The following SETBP1 variants were observed in gnomAD, a reference collection of about 807,000 sequenced individuals.
SETBP1 encodes the protein SET-binding protein.
SETBP1 carries 9 observed loss-of-function variants against 101.0 expected under a neutral mutation model. The ratio of observed to expected loss-of-function variants is 0.09; its 90% CI spans 0.05 to 0.16. The LOEUF (loss-of-function observed/expected upper bound fraction) is 0.16. Among genes scored for constraint, SETBP1 ranks in the 10% least tolerant of loss-of-function variants. The probability of loss-of-function intolerance (pLI) is 1.00; values close to 1 mark genes in which losing one functional copy is unlikely to be tolerated. For missense variants in SETBP1, 1,858 were observed against 2,033.8 expected, an observed-to-expected ratio of 0.91 and a Z score of 1.66; for synonymous variants, 818 against 788.5, an observed-to-expected ratio of 1.04 and a Z score of -0.63.
intron 2 of SETBP1, among the ~76,000 whole-genome samples, chr18:44,861,485 G>T (rs1488093497): frequency 1.3e-5 from 2 of 151,800 alleles, no homozygotes; most frequent in African/African-American, 2.4e-5. Flanking sequence ...GCCCGCCTCG[G>T]CCTCCCAAAG....
intron 2 of SETBP1, among the ~76,000 whole-genome samples, chr18:44,779,973 C>T (rs1246243520): frequency 1.3e-5 from 2 of 152,086 alleles, no homozygotes; most frequent in South Asian, 2.1e-4. Context: ...CACACACACA[C>T]GCATGTGCAC....
intron 4 of SETBP1, among the ~76,000 whole-genome samples, chr18:45,009,497 C>T (rs1282105724): frequency 6.6e-6 from 1 of 151,398 alleles, no homozygotes; most frequent in Non-Finnish European, 1.5e-5. Context: ...GTTTTTTGTT[C>T]GAGGGATTTT....
chr18:44,965,085 A>G (rs1314796890), intron 4 of SETBP1, among the ~76,000 whole-genome samples: 14 of 152,204 alleles, frequency 9.2e-5, no homozygotes, highest in South Asian at 4.1e-4. Context: ...ACAATTGCCA[A>G]ATATCTTTCT....
chr18:44,978,444 A>G (rs552921424), intron 4 of SETBP1, among the ~76,000 whole-genome samples: 1 of 152,278 alleles, frequency 6.6e-6, no homozygotes, highest in South Asian at 2.1e-4. Context: ...CTGAAGCCCA[A>G]ATGAGTGAGC....
chr18:44,968,356 G>A (rs2071766895), intron 4 of SETBP1, among the ~76,000 whole-genome samples: 1 of 152,146 alleles, frequency 6.6e-6, no homozygotes. Flanking sequence ...TGTACAAGAA[G>A]AAGAAAAAGC....
At chr18:44,960,034 G>A (rs984052806) in intron 4 of SETBP1, among the ~76,000 whole-genome samples, 1 of 152,110 alleles carries the variant, frequency 6.6e-6, no homozygotes, top group African/African-American at 2.4e-5. Flanking sequence ...AGCCTCCCAA[G>A]TAACTAGGAC....
At chr18:44,902,081 A>T (rs867160503) in intron 3 of SETBP1, among the ~76,000 whole-genome samples, 22 of 152,182 alleles carry the variant, frequency 1.4e-4, no homozygotes, top group South Asian at 6.2e-4. Context: ...GTACAATTTA[A>T]AATTCAGTTC....
intron 4 of SETBP1, among the ~76,000 whole-genome samples, chr18:45,001,822 A>T (rs2072623687): frequency 6.6e-6 from 1 of 152,148 alleles, no homozygotes; most frequent in Non-Finnish European, 1.5e-5. Flanking sequence ...TTTCCACTGC[A>T]CTACCTTCAT....
At chr18:44,753,872 C>T (rs2070439113) in intron 2 of SETBP1, among the ~76,000 whole-genome samples, 1 of 152,196 alleles carries the variant, frequency 6.6e-6, no homozygotes, top group South Asian at 2.1e-4. Flanking sequence ...GATGGCATAA[C>T]TCTTGGGGCA....
intron 4 of SETBP1, among the ~76,000 whole-genome samples, chr18:45,021,672 A>T (rs2073072045): frequency 6.6e-6 from 1 of 152,230 alleles, no homozygotes; most frequent in African/African-American, 2.4e-5. Flanking sequence ...ATATATAAAA[A>T]TTCACATTTG....
chr18:44,868,714 GGAAGGAAGGA>G (rs1568190596), intron 2 of SETBP1, among the ~76,000 whole-genome samples: 87 of 4,282 alleles, frequency 0.02, 4 homozygotes, highest in East Asian at 0.12. Context: ...AAGGAAGGGA[GGAAGGAAGGA>G]AGGAAGGAAG....
intron 2 of SETBP1, among the ~76,000 whole-genome samples, chr18:44,800,982 G>A (rs1474811713): frequency 6.6e-6 from 1 of 152,100 alleles, no homozygotes; most frequent in African/African-American, 2.4e-5. Flanking sequence ...TCCTTTGTAG[G>A]GACATGGATG....
chr18:44,994,315 C>T (rs974711145), intron 4 of SETBP1, among the ~76,000 whole-genome samples: 1 of 152,018 alleles, frequency 6.6e-6, no homozygotes, highest in South Asian at 2.1e-4. Context: ...AGGAAAATTA[C>T]AATCAGGAAA....
At chr18:44,990,665 C>T (rs2072348549) in intron 4 of SETBP1, among the ~76,000 whole-genome samples, 2 of 151,150 alleles carry the variant, frequency 1.3e-5, no homozygotes, top group African/African-American at 4.9e-5. Context: ...ACACAGACCC[C>T]CCCACACACA....
intron 2 of SETBP1, among the ~76,000 whole-genome samples, chr18:44,817,800 A>T (rs2072014930): frequency 6.6e-6 from 1 of 152,200 alleles, no homozygotes; most frequent in African/African-American, 2.4e-5. Context: ...TTGAGGAGGA[A>T]CGTGGGTCTC....
rs11399627 is a variant in SETBP1, at chr18:44,787,860, CAAA to C, written c.487-81352_487-81350del. 4.4e-3 allele frequency among the ~76,000 whole-genome samples: 41 copies of C among 9,220 alleles called. 1 individual carries two copies. Among genetic ancestry groups the C allele is most frequent in the Middle Eastern group, 0.071 (2 of 28 alleles). 6.0% of individuals were successfully genotyped at this position (9,220 alleles called of 152,430 possible). On this transcript the variant is annotated intron_variant, in intron 2 of 5. Coordinates refer to ENST00000649279, the MANE Select transcript of SETBP1 (RefSeq NM_015559.3). ...TGGGCGACAGAGCGAGAGTCCGTCTCAAAAAAAAAAAAAAAAAAAAGAAAATTG... is the reference window on the plus strand; with the variant it reads ...TGGGCGACAGAGCGAGAGTCCGTCTCAAAAAAAAAAAAAAAAAGAAAATTG...
intron 2 of SETBP1, among the ~76,000 whole-genome samples, chr18:44,855,908 A>T (rs2072966797): frequency 6.6e-6 from 1 of 152,148 alleles, no homozygotes; most frequent in Non-Finnish European, 1.5e-5. Context: ...TCATCAAAGG[A>T]TCAGAGGCTG....
intron 2 of SETBP1, among the ~76,000 whole-genome samples, chr18:44,773,073 ATT>A: frequency 6.6e-6 from 1 of 152,072 alleles, no homozygotes; most frequent in Admixed American, 6.6e-5. Flanking sequence ...CCTTGAATGG[ATT>A]GTTGCTGCTT....
At chr18:44,959,956 G>C (rs1039363627) in intron 4 of SETBP1, among the ~76,000 whole-genome samples, 3 of 152,146 alleles carry the variant, frequency 2.0e-5, no homozygotes, top group Admixed American at 6.6e-5. Flanking sequence ...CCATCACCCA[G>C]GCTAGACTGC....
Sources: allele counts gnomAD v4.1 joint callset (sites outside exome capture counted in the v4.1 genomes callset), GRCh38; gene constraint gnomAD v4.1.1; transcripts MANE v1.5; gene names NCBI Gene and HGNC (gene_info 2026-07-23, HGNC 2026-07-21).